The following SGCD variants were observed in gnomAD, a reference collection of about 807,000 sequenced individuals.
SGCD encodes the protein delta-sarcoglycan.
In SGCD, 18 loss-of-function variants were observed where a neutral mutation model predicts 36.6. The observed-to-expected ratio is 0.49, with a 90% CI of 0.34 to 0.73. The LOEUF (loss-of-function observed/expected upper bound fraction) is 0.73, where lower values mean the gene tolerates loss of function less well. Ranked by LOEUF, SGCD falls within the 30% of genes least tolerant of loss-of-function variation. SGCD has a pLI of 0.01. For synonymous variants in SGCD, 133 were observed against 130.6 expected (o/e 1.02, Z -0.12); for missense variants, 387 against 346.7 (o/e 1.12, Z -0.92).
At chr5:156,571,764 C>T (rs1759734072) in intron 4 of SGCD, among the ~76,000 whole-genome samples, 2 of 152,222 alleles carry the variant, frequency 1.3e-5, no homozygotes, top group Admixed American at 1.3e-4. Context: ...GTAAAATACA[C>T]ATGATATAAA....
intron 3 of SGCD, among the ~76,000 whole-genome samples, chr5:156,240,009 G>A (rs939727844): frequency 1.3e-5 from 2 of 152,176 alleles, no homozygotes; most frequent in Admixed American, 6.6e-5. Context: ...TAACTTAAGC[G>A]AATTGGCCAA....
At chr5:156,549,272 T>C (rs1758699336) in intron 4 of SGCD, among the ~76,000 whole-genome samples, 1 of 152,170 alleles carries the variant, frequency 6.6e-6, no homozygotes, top group Non-Finnish European at 1.5e-5. Flanking sequence ...AAATAAGATG[T>C]AGAGTATTTC....
intron 6 of SGCD, among the ~76,000 whole-genome samples, chr5:156,644,912 G>A (rs1763170966): frequency 7.1e-6 from 1 of 141,320 alleles, no homozygotes; most frequent in Non-Finnish European, 1.5e-5. Context: ...TTATGGCAGT[G>A]GAGTGCATTT....
chr5:156,572,178 T>C (rs754193499), intron 4 of SGCD, among the ~76,000 whole-genome samples: 11 of 152,244 alleles, frequency 7.2e-5, no homozygotes, highest in Non-Finnish European at 1.5e-4. Flanking sequence ...TTCCGCCCTT[T>C]GATTATTATG....
intron 1 of SGCD, among the ~76,000 whole-genome samples, chr5:155,915,070 A>T (rs991096717): frequency 4.9e-4 from 75 of 152,322 alleles, no homozygotes; most frequent in African/African-American, 1.8e-3. Flanking sequence ...TAGAAGATGC[A>T]ATCCCTGCTC....
chr5:156,132,463 T>A (rs1762350300), intron 3 of SGCD, among the ~76,000 whole-genome samples: 1 of 105,768 alleles, frequency 9.5e-6, no homozygotes, highest in South Asian at 3.4e-4. Context: ...CAAGTCTTTT[T>A]TTTTTTTTTT....
At chr5:156,733,879 A>C (rs1756209388) in intron 7 of SGCD, among the ~76,000 whole-genome samples, 1 of 152,072 alleles carries the variant, frequency 6.6e-6, no homozygotes, top group South Asian at 2.1e-4. Context: ...TATGTGTGTC[A>C]CTACATGTGC....
intron 3 of SGCD, among the ~76,000 whole-genome samples, chr5:156,129,916 G>T (rs1762270824): frequency 6.6e-6 from 1 of 152,072 alleles, no homozygotes; most frequent in African/African-American, 2.4e-5. Context: ...TTGATTCATT[G>T]TCTTTGCTAT....
intron 3 of SGCD, among the ~76,000 whole-genome samples, chr5:156,202,732 G>C (rs1232446260): frequency 6.7e-6 from 1 of 149,730 alleles, no homozygotes; most frequent in Admixed American, 6.7e-5. Flanking sequence ...TCATGAAAAC[G>C]CAGTGGAGTA....
chr5:156,455,150 G>A (rs1754198131), intron 3 of SGCD, among the ~76,000 whole-genome samples: 1 of 152,126 alleles, frequency 6.6e-6, no homozygotes, highest in Admixed American at 6.6e-5. Flanking sequence ...ATTATGTCCT[G>A]CATAAAGATA....
chr5:156,754,001 C>G (rs1046203707), intron 7 of SGCD, among the ~76,000 whole-genome samples: 2 of 152,184 alleles, frequency 1.3e-5, no homozygotes, highest in Non-Finnish European at 2.9e-5. Flanking sequence ...AGCCAGTTAC[C>G]TTTTTTGTCA....
At chr5:156,117,860 T>G (rs1036925127) in intron 1 of SGCD, 1 of 152,180 alleles carries the variant, frequency 6.6e-6, no homozygotes, top group Non-Finnish European at 1.5e-5. Flanking sequence ...CTGAGCATCC[T>G]TTTTTGTGTG....
At chr5:156,396,837 T>C (rs1410944027) in intron 3 of SGCD, among the ~76,000 whole-genome samples, 2 of 152,212 alleles carry the variant, frequency 1.3e-5, no homozygotes, top group African/African-American at 4.8e-5. Flanking sequence ...TTGTGATTCC[T>C]ATTTCGAATA....
intron 6 of SGCD, among the ~76,000 whole-genome samples, chr5:156,611,283 T>C (rs1005870934): frequency 4.6e-5 from 7 of 152,232 alleles, no homozygotes; most frequent in Non-Finnish European, 1.0e-4. Context: ...TGGCACTCCC[T>C]TAAGGATTTT....
chr5:156,394,302 C>T (rs1028891269), intron 3 of SGCD, among the ~76,000 whole-genome samples: 1 of 152,182 alleles, frequency 6.6e-6, no homozygotes, highest in African/African-American at 2.4e-5. Flanking sequence ...CTATTTTTTA[C>T]ACATTGAGTA....
chr5:156,639,296 A>G (rs1303159253), intron 6 of SGCD, among the ~76,000 whole-genome samples: 1 of 152,190 alleles, frequency 6.6e-6, no homozygotes, highest in Non-Finnish European at 1.5e-5. Context: ...TAACTTGTCC[A>G]GTATCATATT....
At chr5:155,755,360 G>C in the SGCD span, among the ~76,000 whole-genome samples, 1 of 152,122 alleles carries the variant, frequency 6.6e-6, no homozygotes, top group Non-Finnish European at 1.5e-5. Context: ...TTTTATTTCT[G>C]TTTGTTTGTA....
chr5:156,405,137 C>G (rs1048168924), intron 3 of SGCD, among the ~76,000 whole-genome samples: 1 of 152,128 alleles, frequency 6.6e-6, no homozygotes, highest in Non-Finnish European at 1.5e-5. Context: ...ACTGAGGTAG[C>G]TTCTAGGACC....
intron 6 of SGCD, among the ~76,000 whole-genome samples, chr5:156,602,155 CT>C (rs141929031): frequency 0.057 from 8,699 of 152,132 alleles, 838 homozygotes; most frequent in African/African-American, 0.2. Flanking sequence ...GTATAGAGAT[CT>C]TTTCACCTCC....
Sources: allele counts gnomAD v4.1 joint callset (sites outside exome capture counted in the v4.1 genomes callset), GRCh38; gene constraint gnomAD v4.1.1; transcripts MANE v1.5; gene names NCBI Gene and HGNC (gene_info 2026-07-23, HGNC 2026-07-21).